Variants in TASP1 observed in about 807,000 individuals in gnomAD.
TASP1 encodes the protein taspase 1.
In TASP1, 16 loss-of-function variants were observed where a neutral mutation model predicts 56.6. The observed-to-expected ratio is 0.28, with a 90% CI of 0.19 to 0.43. The LOEUF is 0.43. TASP1 is among the 20% of genes least tolerant of loss of function. The pLI is 1.00. For missense variants in TASP1, 393 were observed against 511.6 expected (o/e 0.77, Z 2.24); for synonymous variants, 179 against 184.2 (o/e 0.97, Z 0.23).
At chr20:13,320,752 C>T in the TASP1 span, among the ~76,000 whole-genome samples, 1 of 152,094 alleles carries the variant, frequency 6.6e-6, no homozygotes, top group Non-Finnish European at 1.5e-5. Context: ...GATGACTGTC[C>T]AAGCTCTAGC....
intron 11 of TASP1, among the ~76,000 whole-genome samples, chr20:13,479,543 A>G (rs564276075): frequency 6.6e-6 from 1 of 151,686 alleles, no homozygotes; most frequent in Non-Finnish European, 1.5e-5. Flanking sequence ...GCTCACTGCA[A>G]TCTCTGCCTC....
the TASP1 span, among the ~76,000 whole-genome samples, chr20:13,261,048 A>G: frequency 6.6e-6 from 1 of 152,294 alleles, no homozygotes; most frequent in Admixed American, 6.5e-5. Context: ...AAGAGCAAAA[A>G]AAAATAGGCA....
At chr20:13,514,603 A>G (rs996188161) in intron 10 of TASP1, among the ~76,000 whole-genome samples, 6 of 152,140 alleles carry the variant, frequency 3.9e-5, no homozygotes, top group Non-Finnish European at 8.8e-5. Flanking sequence ...CTTCAATTCA[A>G]TGTAGGTACA....
intron 2 of TASP1, 47 bp from the exon 3 acceptor site, chr20:13,625,299 C>A (rs1242870984): frequency 1.3e-6 from 2 of 1,495,836 alleles, no homozygotes; most frequent in East Asian, 2.3e-5. Context: ...TATCAAGAGA[C>A]CTTGCTTATG....
At chr20:13,235,913 T>C in the TASP1 span, among the ~76,000 whole-genome samples, 1 of 150,974 alleles carries the variant, frequency 6.6e-6, no homozygotes, top group Non-Finnish European at 1.5e-5. Context: ...CTGTGCATAG[T>C]ATATTGTACT....
the TASP1 span, among the ~76,000 whole-genome samples, chr20:13,358,621 C>T: frequency 6.6e-6 from 1 of 151,722 alleles, no homozygotes; most frequent in Admixed American, 6.6e-5. Context: ...ACGTTTTATC[C>T]GTGGACACAA....
At chr20:13,373,640 C>T in the TASP1 span, among the ~76,000 whole-genome samples, 1 of 151,960 alleles carries the variant, frequency 6.6e-6, no homozygotes, top group Non-Finnish European at 1.5e-5. Flanking sequence ...TTGGGGTTCC[C>T]TTATAAATGA....
intron 11 of TASP1, among the ~76,000 whole-genome samples, chr20:13,436,453 A>G (rs1208341542): frequency 2.0e-5 from 3 of 152,248 alleles, no homozygotes; most frequent in African/African-American, 7.2e-5. Flanking sequence ...CTCTTTACAG[A>G]AAAACTTTGC....
At chr20:13,609,881 T>C (rs1388635121) in intron 4 of TASP1, among the ~76,000 whole-genome samples, 1 of 152,126 alleles carries the variant, frequency 6.6e-6, no homozygotes, top group Non-Finnish European at 1.5e-5. Context: ...TGAATGGATT[T>C]GGAATGAAAC....
chr20:13,226,580 A>G, the TASP1 span, among the ~76,000 whole-genome samples: 1 of 152,122 alleles, frequency 6.6e-6, no homozygotes, highest in Non-Finnish European at 1.5e-5. Flanking sequence ...ATTTCACCTG[A>G]TATTACTCAT....
At chr20:13,107,263 T>C in the TASP1 span, among the ~76,000 whole-genome samples, 790 of 151,956 alleles carry the variant, frequency 5.2e-3, 8 homozygotes, top group African/African-American at 0.018. Context: ...ATCCTGAAGG[T>C]TGAGAACCAC....
the TASP1 span, among the ~76,000 whole-genome samples, chr20:13,268,919 A>G: frequency 2.0e-5 from 3 of 152,146 alleles, no homozygotes; most frequent in African/African-American, 4.8e-5. Context: ...GTCTCTAAAA[A>G]ATGACACATA....
the TASP1 span, chr20:13,159,971 T>G: frequency 1.1e-6 from 1 of 944,796 alleles, no homozygotes; most frequent in Non-Finnish European, 1.4e-6. Flanking sequence ...AACTAACCAC[T>G]TTTTTTTTTT....
the TASP1 span, among the ~76,000 whole-genome samples, chr20:13,244,558 T>C: frequency 8.4e-4 from 128 of 152,286 alleles, no homozygotes; most frequent in Non-Finnish European, 1.3e-3. Context: ...ACATTGCATA[T>C]AAAAACATAT....
At chr20:13,292,746 T>C in the TASP1 span, among the ~76,000 whole-genome samples, 38 of 152,254 alleles carry the variant, frequency 2.5e-4, 1 homozygote, top group African/African-American at 9.1e-4. Context: ...AATAAGCCCA[T>C]AGCAGGGGCT....
chr20:13,383,971 C>T, the TASP1 span, among the ~76,000 whole-genome samples: 1 of 151,806 alleles, frequency 6.6e-6, no homozygotes, highest in African/African-American at 2.4e-5. Flanking sequence ...GGAAAGACTG[C>T]TAGTTAACAG....
chr20:13,222,299 G>A, the TASP1 span, among the ~76,000 whole-genome samples: 3 of 152,150 alleles, frequency 2.0e-5, no homozygotes, highest in Non-Finnish European at 4.4e-5. Context: ...CGAGGCTGGA[G>A]GGACGCAAGG....
chr20:13,164,688 TG>T, the TASP1 span: 1 of 1,185,260 alleles, frequency 8.4e-7, no homozygotes, highest in Middle Eastern at 1.9e-4. Context: ...GCTATTAATC[TG>T]GGCTCTGCAA....
At chr20:13,571,534 CA>C (rs2046712382) in intron 6 of TASP1, among the ~76,000 whole-genome samples, 1 of 152,178 alleles carries the variant, frequency 6.6e-6, no homozygotes, top group Admixed American at 6.5e-5. Flanking sequence ...CCACTGCTAC[CA>C]CCTTGGTCTG....
Sources: gnomAD v4.1 joint callset for allele counts (sites outside exome capture counted in the v4.1 genomes callset) on GRCh38, gnomAD v4.1.1 for gene constraint, MANE v1.5 for transcripts, NCBI Gene and HGNC (gene_info 2026-07-23, HGNC 2026-07-21) for gene names.